EYA1: variants seen among roughly 807,000 people sequenced by gnomAD.
EYA1 encodes EYA transcriptional coactivator and phosphatase 1.
A neutral mutation model predicts 82.0 loss-of-function variants in EYA1; 16 were observed. The observed-to-expected ratio is 0.20, with a 90% CI of 0.13 to 0.30. The LOEUF (loss-of-function observed/expected upper bound fraction) is 0.30. Among genes scored for constraint, EYA1 ranks in the 10% least tolerant of loss-of-function variants. The pLI is 1.00. For synonymous variants in EYA1, 261 were observed against 264.4 expected, an observed-to-expected ratio of 0.99 and a Z score of 0.12; for missense variants, 633 against 730.7, an observed-to-expected ratio of 0.87 and a Z score of 1.54.
intron 2 of EYA1, among the ~76,000 whole-genome samples, chr8:71,414,043 A>G (rs1418954498): frequency 6.6e-6 from 1 of 152,206 alleles, no homozygotes; most frequent in Non-Finnish European, 1.5e-5. Context: ...GAGCAGACAA[A>G]GAGGTTAATG....
chr8:71,528,863 C>T (rs568604256), intron 2 of EYA1, among the ~76,000 whole-genome samples: 7 of 152,124 alleles, frequency 4.6e-5, no homozygotes, highest in Non-Finnish European at 7.4e-5. Context: ...CTTGGAAAGG[C>T]GAAAACAGCT....
intron 9 of EYA1, among the ~76,000 whole-genome samples, chr8:71,279,541 T>G (rs990895781): frequency 6.6e-6 from 1 of 152,234 alleles, no homozygotes; most frequent in Non-Finnish European, 1.5e-5. Context: ...AAGAATCATA[T>G]ACATCCATTG....
intron 2 of EYA1, among the ~76,000 whole-genome samples, chr8:71,522,121 T>G (rs187749360): frequency 1.3e-5 from 2 of 152,310 alleles, no homozygotes; most frequent in East Asian, 3.9e-4. Flanking sequence ...TGTGAAACTT[T>G]CTGGAAAAAT....
At chr8:71,503,013 T>C (rs1811926564) in intron 2 of EYA1, among the ~76,000 whole-genome samples, 1 of 152,212 alleles carries the variant, frequency 6.6e-6, no homozygotes, top group South Asian at 2.1e-4. Flanking sequence ...ATTATCTTCA[T>C]TATACGTATG....
chr8:71,267,448 C>G (rs1278186237), intron 11 of EYA1, among the ~76,000 whole-genome samples: 2 of 152,170 alleles, frequency 1.3e-5, no homozygotes, highest in Admixed American at 1.3e-4. Context: ...CTTCCACAGC[C>G]CCATAAACTT....
intron 4 of EYA1, among the ~76,000 whole-genome samples, chr8:71,332,291 G>A (rs754137236): frequency 2.3e-4 from 35 of 152,172 alleles, no homozygotes; most frequent in Non-Finnish European, 5.0e-4. Context: ...AATTTCCCAT[G>A]CCAAATCTCC....
At chr8:71,459,070 A>C (rs1808174810) in intron 2 of EYA1, among the ~76,000 whole-genome samples, 1 of 152,174 alleles carries the variant, frequency 6.6e-6, no homozygotes, top group South Asian at 2.1e-4. Flanking sequence ...GGAGAAACAC[A>C]TTGGCTCACA....
intron 2 of EYA1, among the ~76,000 whole-genome samples, chr8:71,460,743 A>G (rs1392821313): frequency 1.3e-5 from 2 of 152,220 alleles, no homozygotes; most frequent in East Asian, 3.9e-4. Flanking sequence ...TTTCCCAAAC[A>G]CTGCTGCCAT....
intron 2 of EYA1, among the ~76,000 whole-genome samples, chr8:71,382,903 C>A (rs1563555385): frequency 6.6e-6 from 1 of 151,980 alleles, no homozygotes; most frequent in East Asian, 1.9e-4. Flanking sequence ...TGGCATCAGT[C>A]CACATTTTGG....
At chr8:71,417,791 G>T (rs1333451183) in intron 2 of EYA1, among the ~76,000 whole-genome samples, 1 of 152,146 alleles carries the variant, frequency 6.6e-6, no homozygotes, top group African/African-American at 2.4e-5. Context: ...CTTGACCCAT[G>T]TTTTTGACAG....
chr8:71,326,190 A>C (rs1434799096), intron 4 of EYA1, among the ~76,000 whole-genome samples: 1 of 152,138 alleles, frequency 6.6e-6, no homozygotes, highest in Non-Finnish European at 1.5e-5. Context: ...TAATAATTAC[A>C]ATCTTGGGAC....
At chr8:71,394,222 T>C (rs1324054934) in intron 2 of EYA1, among the ~76,000 whole-genome samples, 9 of 152,184 alleles carry the variant, frequency 5.9e-5, no homozygotes, top group Admixed American at 5.9e-4. Context: ...TTGTAAAAAT[T>C]TTCTCCCATT....
At chr8:71,321,128 A>C (rs1300172164) in intron 6 of EYA1, among the ~76,000 whole-genome samples, 2 of 152,206 alleles carry the variant, frequency 1.3e-5, no homozygotes, top group African/African-American at 4.8e-5. Flanking sequence ...ACCCATAAAA[A>C]GTGAGTTAAA....
chr8:71,368,520 A>C (rs1411771242), intron 2 of EYA1, among the ~76,000 whole-genome samples: 1 of 152,308 alleles, frequency 6.6e-6, no homozygotes, highest in African/African-American at 2.4e-5. Context: ...AGAATTTGTT[A>C]TTCAAAACAA....
At chr8:71,401,441 A>G (rs1292696287) in intron 2 of EYA1, among the ~76,000 whole-genome samples, 3 of 152,174 alleles carry the variant, frequency 2.0e-5, no homozygotes, top group Admixed American at 2.0e-4. Context: ...TTAGTTTCTC[A>G]TTACTGCAAG....
In EYA1 at chr8:71,505,985, C is replaced by T. The variant is rs186419738; in HGVS notation, c.33+29759G>A. ...TTTGACAGGTCCTTCTTCACACACT[C>T]ATACTCTCTCCTGCTGCCTTGTGCA... On this transcript the variant is annotated intron_variant, in intron 2 of 18. Transcript: ENST00000643681. Among the ~76,000 whole-genome samples, 385 of 152,306 alleles carry T rather than the reference C, an allele frequency of 2.5e-3. 1 individual carries two copies. The highest frequency in any genetic ancestry group is 4.9e-3 in the Non-Finnish European group (330 of 68,024).
intron 2 of EYA1, among the ~76,000 whole-genome samples, chr8:71,513,510 T>C (rs943468594): frequency 4.6e-5 from 7 of 152,132 alleles, no homozygotes; most frequent in African/African-American, 1.4e-4. Context: ...ATTAGGTACA[T>C]GATGTGTTTT....
At chr8:71,370,767 C>A (rs989441156) in intron 2 of EYA1, among the ~76,000 whole-genome samples, 3 of 151,870 alleles carry the variant, frequency 2.0e-5, no homozygotes, top group African/African-American at 7.3e-5. Context: ...ACTACAGGCA[C>A]TTACCACCAT....
At chr8:71,420,466 G>A (rs1437406316) in intron 2 of EYA1, among the ~76,000 whole-genome samples, 1 of 151,976 alleles carries the variant, frequency 6.6e-6, no homozygotes, top group Admixed American at 6.6e-5. Flanking sequence ...TACACAGGAA[G>A]CTTTTTTTAA....
Sources: allele counts gnomAD v4.1 joint callset (sites outside exome capture counted in the v4.1 genomes callset), GRCh38; gene constraint gnomAD v4.1.1; transcripts MANE v1.5; gene names NCBI Gene and HGNC (gene_info 2026-07-23, HGNC 2026-07-21).